The following TBCEL variants were observed in gnomAD, a reference collection of about 807,000 sequenced individuals.
The protein encoded by TBCEL is tubulin folding cofactor E like, also known as tubulin-specific chaperone cofactor E-like protein.
A neutral mutation model predicts 44.2 loss-of-function variants in TBCEL; 15 were observed. The ratio of observed to expected loss-of-function variants is 0.34; its 90% CI spans 0.23 to 0.52. The LOEUF is 0.52. TBCEL is among the 20% of genes least tolerant of loss of function. The pLI is 0.95. For missense variants in TBCEL, 319 were observed against 506.3 expected (o/e 0.63, Z 3.55); for synonymous variants, 171 against 185.4 (o/e 0.92, Z 0.63).
intron 7 of TBCEL, among the ~76,000 whole-genome samples, chr11:121,058,743 A>G (rs571128174): frequency 6.6e-6 from 1 of 152,020 alleles, no homozygotes; most frequent in Admixed American, 6.6e-5. Context: ...AGAATATTTG[A>G]AGTCCTGTTT....
intron 8 of TBCEL, among the ~76,000 whole-genome samples, chr11:121,064,413 G>T (rs895748359): frequency 5.3e-5 from 8 of 152,174 alleles, no homozygotes; most frequent in African/African-American, 1.7e-4. Context: ...TTGCTTTAGT[G>T]TTTTTGTTGA....
At chr11:121,081,693 A>C (rs1946128005) in intron 8 of TBCEL, among the ~76,000 whole-genome samples, 1 of 152,212 alleles carries the variant, frequency 6.6e-6, no homozygotes, top group African/African-American at 2.4e-5. Flanking sequence ...TCTCAAATTT[A>C]CTGGATATTT....
At chr11:121,024,493 T>A (rs1194622682) in intron 1 of TBCEL, among the ~76,000 whole-genome samples, 1 of 130,870 alleles carries the variant, frequency 7.6e-6, no homozygotes, top group African/African-American at 2.9e-5. Flanking sequence ...GGGGCCTGCC[T>A]GGCCTGGGCT....
At chr11:121,085,288 A>C (rs1399056726) in intron 8 of TBCEL, among the ~76,000 whole-genome samples, 1 of 151,956 alleles carries the variant, frequency 6.6e-6, no homozygotes, top group Non-Finnish European at 1.5e-5. Flanking sequence ...TCTGCCCACC[A>C]TGGCCTCCCA....
intron 1 of TBCEL, among the ~76,000 whole-genome samples, chr11:121,034,342 G>A (rs1945194400): frequency 6.6e-6 from 1 of 152,138 alleles, no homozygotes; most frequent in Admixed American, 6.5e-5. Flanking sequence ...TATTCAGTAT[G>A]AAATCTTTTG....
intron 4 of TBCEL, among the ~76,000 whole-genome samples, chr11:121,052,646 G>A (rs1162049424): frequency 2.0e-5 from 3 of 151,854 alleles, no homozygotes; most frequent in African/African-American, 7.2e-5. Context: ...GTGCCAACTA[G>A]TCTTCAGTTT....
chr11:121,053,834 T>C (rs1183953037), intron 5 of TBCEL, 102 bp downstream of exon 5: 20 of 1,287,204 alleles, frequency 1.6e-5, no homozygotes, highest in Non-Finnish European at 1.7e-5. Flanking sequence ...GAACTGCAGA[T>C]TGAGTGGAGA....
chr11:121,042,244 T>C lies in TBCEL; in HGVS notation c.-17-3430T>C, dbSNP rs1334167775. ...AACTGCTGATTGTATGAAAGAACAA[T>C]GTAACTTCCTTGGCTTTTTTGTTAA... On this transcript the variant is annotated intron_variant, in intron 2 of 8. Transcript: ENST00000683345. 6.6e-5 allele frequency among the ~76,000 whole-genome samples: 10 copies of C among 152,202 alleles called. No individual in the cohort carries two copies. In the East Asian group the frequency reaches 1.5e-3, roughly 23 times the overall value.
chr11:121,045,124 CT>C (rs767657180), intron 2 of TBCEL, among the ~76,000 whole-genome samples: 8 of 152,120 alleles, frequency 5.3e-5, no homozygotes, highest in Non-Finnish European at 8.8e-5. Context: ...CTCTGGTCAT[CT>C]TTTAACGATG....
At chr11:121,049,568 A>G (rs1168241300) in intron 4 of TBCEL, among the ~76,000 whole-genome samples, 1 of 151,796 alleles carries the variant, frequency 6.6e-6, no homozygotes, top group African/African-American at 2.4e-5. Flanking sequence ...ATATATATTT[A>G]TTTACTTATC....
intron 8 of TBCEL, among the ~76,000 whole-genome samples, chr11:121,062,014 A>G (rs1945733299): frequency 6.6e-6 from 1 of 152,156 alleles, no homozygotes. Context: ...CAGCTGTACC[A>G]AAGCATTTTG....
chr11:121,034,956 A>G (rs1257656515), intron 1 of TBCEL, among the ~76,000 whole-genome samples: 24 of 150,752 alleles, frequency 1.6e-4, no homozygotes, highest in Admixed American at 1.6e-3. Flanking sequence ...TCTTCCAATT[A>G]AGGAGGAATA....
At chr11:121,071,701 G>T (rs1565504402) in intron 8 of TBCEL, among the ~76,000 whole-genome samples, 2 of 152,146 alleles carry the variant, frequency 1.3e-5, no homozygotes, top group Non-Finnish European at 2.9e-5. Flanking sequence ...AATATGGAGA[G>T]TATGTTTTTC....
intron 8 of TBCEL, among the ~76,000 whole-genome samples, chr11:121,073,258 T>C (rs1411111549): frequency 6.6e-6 from 1 of 152,058 alleles, no homozygotes; most frequent in Non-Finnish European, 1.5e-5. Flanking sequence ...GTGATGCTAT[T>C]GTATATTCCT....
chr11:121,038,342 T>C (rs1945271341), intron 2 of TBCEL, among the ~76,000 whole-genome samples: 1 of 152,254 alleles, frequency 6.6e-6, no homozygotes, highest in South Asian at 2.1e-4. Context: ...ATTTCATCTT[T>C]CCTGGAGGGA....
chr11:121,054,191 A>G (rs894655419), intron 5 of TBCEL, among the ~76,000 whole-genome samples: 4 of 151,926 alleles, frequency 2.6e-5, no homozygotes, highest in African/African-American at 7.2e-5. Flanking sequence ...ATTTTTGTCA[A>G]TTAAAACATG....
rs571643658 is a variant in TBCEL at position 121,090,095 on chromosome 11, T to C, written c.*2999T>C. On this transcript the variant is annotated 3_prime_UTR_variant, in exon 9 of 9. Coordinates refer to ENST00000683345, the MANE Select transcript of TBCEL (RefSeq NM_001363644.2). ...CATAAATACGTAAGAAAGCAGCAGA[T>C]AGTATAAGCCCCTAGTTATTAAGAC... 6.6e-6 allele frequency: 1 copy of C among 152,336 alleles called. No individual in the cohort carries two copies. Among genetic ancestry groups the C allele is most frequent in the East Asian group, 1.9e-4 (1 of 5,184 alleles). 9.4% of individuals were successfully genotyped at this position (152,336 alleles called of 1,614,324 possible).
chr11:121,064,828 T>A (rs1229184333), intron 8 of TBCEL, among the ~76,000 whole-genome samples: 1 of 152,100 alleles, frequency 6.6e-6, no homozygotes, highest in African/African-American at 2.4e-5. Flanking sequence ...ATTTTCTTTT[T>A]AATTTTTTTT....
intron 1 of TBCEL, among the ~76,000 whole-genome samples, chr11:121,025,704 C>T (rs1173283394): frequency 2.0e-5 from 3 of 150,188 alleles, no homozygotes; most frequent in Non-Finnish European, 4.4e-5. Flanking sequence ...AGGGATGATT[C>T]TAAGGAGATG....
Sources: gnomAD v4.1 joint callset for allele counts (sites outside exome capture counted in the v4.1 genomes callset) on GRCh38, gnomAD v4.1.1 for gene constraint, MANE v1.5 for transcripts, NCBI Gene and HGNC (gene_info 2026-07-23, HGNC 2026-07-21) for gene names.